Variants in BCL2 observed in about 807,000 individuals in gnomAD.
BCL2 encodes BCL2 apoptosis regulator.
Under a neutral mutation model 14.2 loss-of-function variants are expected in BCL2, and 1 was observed. The observed-to-expected ratio is 0.07, with a 90% CI of 0.02 to 0.33. The LOEUF (loss-of-function observed/expected upper bound fraction) is 0.33, where lower values mean the gene tolerates loss of function less well. Among genes scored for constraint, BCL2 ranks in the 10% least tolerant of loss-of-function variants. The pLI, the probability that BCL2 is intolerant of heterozygous loss-of-function variation, is 0.99. For missense variants in BCL2, 247 were observed against 305.9 expected, an observed-to-expected ratio of 0.81 and a Z score of 1.44; for synonymous variants, 151 against 137.2, an observed-to-expected ratio of 1.10 and a Z score of -0.70.
intron 2 of BCL2, among the ~76,000 whole-genome samples, chr18:63,137,270 C>T (rs1268664230): frequency 6.6e-6 from 1 of 152,222 alleles, no homozygotes; most frequent in Non-Finnish European, 1.5e-5. Flanking sequence ...AAATAATCCT[C>T]GGCTGTTCCC....
intron 2 of BCL2, among the ~76,000 whole-genome samples, chr18:63,265,572 G>A (rs988841216): frequency 2.0e-5 from 3 of 152,028 alleles, no homozygotes; most frequent in African/African-American, 7.2e-5. Context: ...TAGGCGTGGG[G>A]AAGGTCAGTC....
At chr18:63,141,156 C>T (rs1914348961) in intron 2 of BCL2, among the ~76,000 whole-genome samples, 2 of 152,226 alleles carry the variant, frequency 1.3e-5, no homozygotes, top group South Asian at 2.1e-4. Flanking sequence ...CGTAGCGAAC[C>T]TCTAAGAAGT....
At chr18:63,192,707 G>T (rs1909321635) in intron 2 of BCL2, among the ~76,000 whole-genome samples, 1 of 151,934 alleles carries the variant, frequency 6.6e-6, no homozygotes, top group Admixed American at 6.6e-5. Flanking sequence ...CTCCAACCTG[G>T]TCAAGACCTA....
At chr18:63,143,462 G>C (rs1055726883) in intron 2 of BCL2, among the ~76,000 whole-genome samples, 2 of 152,344 alleles carry the variant, frequency 1.3e-5, no homozygotes, top group East Asian at 3.9e-4. Context: ...TGTCAGCATT[G>C]TCAGCAGTGG....
chr18:63,295,186 A>T (rs115704709), intron 2 of BCL2, among the ~76,000 whole-genome samples: 2,913 of 150,916 alleles, frequency 0.019, 92 homozygotes, highest in African/African-American at 0.067. Context: ...TAATAGTAAT[A>T]ATTATTATTA....
intron 2 of BCL2, among the ~76,000 whole-genome samples, chr18:63,222,972 A>C (rs1309748599): frequency 6.6e-6 from 1 of 152,242 alleles, no homozygotes; most frequent in Non-Finnish European, 1.5e-5. Flanking sequence ...CAGTGATAGA[A>C]TTAACAGACA....
chr18:63,126,306 A>G lies in BCL2; in HGVS notation c.*2319T>C. The G allele has an allele frequency of 4.5e-6, 1 of 221,566 alleles. No homozygotes were observed. The highest frequency in any genetic ancestry group is 6.5e-5 in the East Asian group (1 of 15,334). 13.7% of individuals were successfully genotyped at this position (221,566 alleles called of 1,614,324 possible). A position where few individuals can be genotyped will look rare whatever the true frequency, so the allele number is the denominator to read the frequency against. ...AGGAAGACCCTGAAGGACAGCCATG[A>G]GAAAGCCCCCGCGGAAGGAGGGCAG... On this transcript the variant is annotated 3_prime_UTR_variant, in exon 3 of 3. Transcript: ENST00000333681.
chr18:63,269,443 G>T (rs1352709603), intron 2 of BCL2, among the ~76,000 whole-genome samples: 1 of 151,970 alleles, frequency 6.6e-6, no homozygotes, highest in Non-Finnish European at 1.5e-5. Context: ...TCTGTTGAGG[G>T]ACGTGGGATC....
At chr18:63,244,502 T>C (rs760194384) in intron 2 of BCL2, among the ~76,000 whole-genome samples, 1 of 152,138 alleles carries the variant, frequency 6.6e-6, no homozygotes, top group Non-Finnish European at 1.5e-5. Flanking sequence ...GAGGTTACAG[T>C]GAGCCAAGAT....
At chr18:63,198,888 C>A (rs1419379028) in intron 2 of BCL2, among the ~76,000 whole-genome samples, 1 of 152,238 alleles carries the variant, frequency 6.6e-6, no homozygotes, top group Non-Finnish European at 1.5e-5. Context: ...CACACAGACA[C>A]AGAGACACAC....
At chr18:63,128,810 G>A in intron 2 of BCL2, 51 bp from the exon 3 acceptor site, 1 of 731,060 alleles carries the variant, frequency 1.4e-6, no homozygotes. Flanking sequence ...TAGAGAGAGA[G>A]CAGAGAATGC....
intron 2 of BCL2, among the ~76,000 whole-genome samples, chr18:63,243,515 T>C (rs1244076493): frequency 1.3e-5 from 2 of 152,162 alleles, no homozygotes; most frequent in Non-Finnish European, 2.9e-5. Context: ...GAACTTAAAA[T>C]AAAAGTTAAA....
chr18:63,302,425 T>C (rs1912990478), intron 2 of BCL2: 1 of 985,440 alleles, frequency 1.0e-6, no homozygotes, highest in Non-Finnish European at 1.2e-6. Flanking sequence ...TCTTGCTTAA[T>C]GAAAGGTCAC....
intron 2 of BCL2, among the ~76,000 whole-genome samples, chr18:63,206,416 T>G (rs1909839349): frequency 6.6e-6 from 1 of 152,234 alleles, no homozygotes; most frequent in Non-Finnish European, 1.5e-5. Context: ...CATCTTCGCT[T>G]CTCTTTCTCA....
At chr18:63,300,042 A>T (rs1487890798) in intron 2 of BCL2, among the ~76,000 whole-genome samples, 4 of 152,214 alleles carry the variant, frequency 2.6e-5, no homozygotes, top group Non-Finnish European at 5.9e-5. Context: ...GTTTTATTGT[A>T]CAGTGGTTTC....
At chr18:63,145,093 CA>C (rs1914473532) in intron 2 of BCL2, among the ~76,000 whole-genome samples, 1 of 152,216 alleles carries the variant, frequency 6.6e-6, no homozygotes, top group African/African-American at 2.4e-5. Flanking sequence ...GGCTGCTTCA[CA>C]GGGAATTCTA....
At chr18:63,187,067 C>T (rs1915608534) in intron 2 of BCL2, among the ~76,000 whole-genome samples, 1 of 152,160 alleles carries the variant, frequency 6.6e-6, no homozygotes, top group Non-Finnish European at 1.5e-5. Flanking sequence ...ATCAACAGTC[C>T]CTTTTAAGAA....
chr18:63,268,760 C>A (rs1192005389), intron 2 of BCL2, among the ~76,000 whole-genome samples: 5 of 152,008 alleles, frequency 3.3e-5, no homozygotes, highest in Admixed American at 2.0e-4. Flanking sequence ...TATATTTATC[C>A]CAAAGGTAAA....
At chr18:63,265,580 G>A (rs1568251912) in intron 2 of BCL2, among the ~76,000 whole-genome samples, 2 of 152,030 alleles carry the variant, frequency 1.3e-5, no homozygotes, top group African/African-American at 2.4e-5. Flanking sequence ...GGGAAGGTCA[G>A]TCTTAACTAT....
Sources: gnomAD v4.1 joint callset for allele counts (sites outside exome capture counted in the v4.1 genomes callset) on GRCh38, gnomAD v4.1.1 for gene constraint, MANE v1.5 for transcripts, NCBI Gene and HGNC (gene_info 2026-07-23, HGNC 2026-07-21) for gene names.